Variants in TPRG1 observed in about 807,000 individuals in gnomAD.
TPRG1 encodes the protein tumor protein p63 regulated 1, also known as tumor protein p63-regulated gene 1 protein.
TPRG1 carries 29 observed loss-of-function variants against 29.3 expected under a neutral mutation model. The ratio of observed to expected loss-of-function variants is 0.99; its 90% CI spans 0.74 to 1.35. The LOEUF is 1.35. Among genes scored for constraint, TPRG1 ranks in the 40% most tolerant of loss-of-function variants. The pLI is 0.00. For missense variants in TPRG1, 327 were observed against 335.0 expected (o/e 0.98, Z 0.19); for synonymous variants, 130 against 116.8 (o/e 1.11, Z -0.73).
chr3:189,218,475 C>G (rs76852361), intron 3 of TPRG1, among the ~76,000 whole-genome samples: 15 of 152,308 alleles, frequency 9.8e-5, no homozygotes, highest in African/African-American at 3.4e-4. Context: ...ACTTTTAGCT[C>G]ATTCCATGGA....
At chr3:189,310,187 TC>T (rs1239752947) in intron 4 of TPRG1, 198 bp from the exon 5 acceptor site, 1 of 374,594 alleles carries the variant, frequency 2.7e-6, no homozygotes, top group Non-Finnish European at 4.8e-6. Context: ...AGTAGGTGTT[TC>T]CCATATAGAA....
intron 4 of TPRG1, among the ~76,000 whole-genome samples, chr3:189,270,036 TC>T (rs1714819709): frequency 6.6e-6 from 1 of 150,654 alleles, no homozygotes; most frequent in Admixed American, 6.6e-5. Flanking sequence ...TTCTTCTTCT[TC>T]TTCTTCTTCT....
chr3:189,245,107 A>C (rs1319835369), intron 4 of TPRG1, among the ~76,000 whole-genome samples: 2 of 152,104 alleles, frequency 1.3e-5, no homozygotes, highest in Non-Finnish European at 2.9e-5. Flanking sequence ...TTTTTAGTAG[A>C]GATGGAGTTT....
At chr3:189,047,839 A>G (rs1715072787) in intron 4 of TPRG1, among the ~76,000 whole-genome samples, 1 of 152,196 alleles carries the variant, frequency 6.6e-6, no homozygotes, top group African/African-American at 2.4e-5. Flanking sequence ...TATGCAATTC[A>G]GTTACATCTT....
intron 3 of TPRG1, among the ~76,000 whole-genome samples, chr3:189,017,475 C>A (rs1320534851): frequency 1.3e-5 from 2 of 151,954 alleles, no homozygotes; most frequent in East Asian, 1.9e-4. Context: ...TGAGAATATG[C>A]GGTGTTTGGT....
chr3:189,152,951 A>G (rs1195242200), intron 5 of TPRG1, among the ~76,000 whole-genome samples: 1 of 152,208 alleles, frequency 6.6e-6, no homozygotes, highest in Non-Finnish European at 1.5e-5. Flanking sequence ...ATTAAAAAGT[A>G]GGACTGCTAC....
intron 1 of TPRG1, among the ~76,000 whole-genome samples, chr3:189,116,689 A>T (rs759131419): frequency 1.3e-5 from 2 of 152,250 alleles, no homozygotes; most frequent in Admixed American, 1.3e-4. Flanking sequence ...AGTCATAAAA[A>T]GACAAATACT....
At chr3:189,198,794 C>T (rs969435412) in intron 1 of TPRG1, among the ~76,000 whole-genome samples, 14 of 152,234 alleles carry the variant, frequency 9.2e-5, no homozygotes, top group Admixed American at 5.9e-4. Flanking sequence ...ATCAATGCCA[C>T]GGGAGTCAAG....
intron 4 of TPRG1, among the ~76,000 whole-genome samples, chr3:189,088,463 T>C (rs1718110745): frequency 6.6e-6 from 1 of 152,202 alleles, no homozygotes; most frequent in Non-Finnish European, 1.5e-5. Flanking sequence ...ACAATTTGAC[T>C]TCCTCTTTTC....
chr3:189,072,579 G>T (rs1455863657), intron 4 of TPRG1, among the ~76,000 whole-genome samples: 1 of 152,032 alleles, frequency 6.6e-6, no homozygotes, highest in African/African-American at 2.4e-5. Context: ...CCCTTCATTG[G>T]TAATGTTAAT....
upstream of TPRG1, among the ~76,000 whole-genome samples, chr3:189,097,904 C>T (rs989514734): frequency 6.6e-6 from 1 of 152,182 alleles, no homozygotes; most frequent in Admixed American, 6.5e-5. Context: ...TAATTGGTTT[C>T]TGTGTTTTCC....
At chr3:189,084,877 G>A (rs530379362) in intron 4 of TPRG1, among the ~76,000 whole-genome samples, 83 of 152,262 alleles carry the variant, frequency 5.5e-4, no homozygotes, top group African/African-American at 1.7e-3. Context: ...GAGAGACTTC[G>A]CACCCCCAAA....
At chr3:189,082,086 A>G (rs1216439613) in intron 4 of TPRG1, among the ~76,000 whole-genome samples, 4 of 152,230 alleles carry the variant, frequency 2.6e-5, no homozygotes, top group East Asian at 1.9e-4. Flanking sequence ...TCTGAGGTCT[A>G]TCTTGCTGAG....
rs527857300 is a variant in TPRG1 at position 189,113,996 on chromosome 3, T to C, written c.-743-13061T>C. 2.0e-5 allele frequency among the ~76,000 whole-genome samples: 3 copies of C among 152,334 alleles called. No individual in the cohort carries two copies. The South Asian group carries it at 6.2e-4, about 32-fold the overall frequency. On this transcript the variant is annotated intron_variant, in intron 1 of 6. Coordinates refer to the TPRG1 transcript ENST00000412373. ...TTGGAGAATTTGTGTAGAATTGGTATTATTTCTTGGTCAAGAATTTTTTGC... is the reference window on the plus strand; with the variant it reads ...TTGGAGAATTTGTGTAGAATTGGTACTATTTCTTGGTCAAGAATTTTTTGC...
intron 2 of TPRG1, among the ~76,000 whole-genome samples, chr3:189,128,919 G>A (rs903047094): frequency 6.6e-6 from 1 of 152,162 alleles, no homozygotes; most frequent in Non-Finnish European, 1.5e-5. Flanking sequence ...ACAGGCGTGA[G>A]CTGCCGCACC....
intron 5 of TPRG1, among the ~76,000 whole-genome samples, chr3:189,157,384 A>T (rs775927601): frequency 1.3e-4 from 20 of 151,926 alleles, no homozygotes; most frequent in Non-Finnish European, 7.4e-5. Context: ...GTGGCCAATG[A>T]CTCACATGTC....
At chr3:189,097,439 A>T (rs541756927), upstream of TPRG1, among the ~76,000 whole-genome samples, 7 of 152,350 alleles carry the variant, frequency 4.6e-5, no homozygotes, top group South Asian at 1.4e-3. Context: ...TCATGAAAAA[A>T]GCAATTGACT....
At chr3:189,105,879 T>C (rs1719761692) in intron 1 of TPRG1, among the ~76,000 whole-genome samples, 1 of 152,102 alleles carries the variant, frequency 6.6e-6, no homozygotes, top group Admixed American at 6.6e-5. Flanking sequence ...TAAAACCTAG[T>C]GTGTCCACTG....
At chr3:189,242,600 T>A (rs1235094404) in intron 4 of TPRG1, among the ~76,000 whole-genome samples, 15 of 152,154 alleles carry the variant, frequency 9.9e-5, no homozygotes. Flanking sequence ...ATGTTTTTGC[T>A]AGGTTTTCAT....
Sources: gnomAD v4.1 joint callset for allele counts (sites outside exome capture counted in the v4.1 genomes callset) on GRCh38, gnomAD v4.1.1 for gene constraint, MANE v1.5 for transcripts, NCBI Gene and HGNC (gene_info 2026-07-23, HGNC 2026-07-21) for gene names.